Variants in TBC1D31 observed in about 807,000 individuals in gnomAD.
The protein encoded by TBC1D31 is WD repeat domain 67.
In TBC1D31, 99 loss-of-function variants were observed where a neutral mutation model predicts 132.9. That is an observed-to-expected ratio of 0.74 (90% CI 0.63 to 0.88). TBC1D31 has a LOEUF of 0.88. Ranked by LOEUF, TBC1D31 falls within the 40% of genes least tolerant of loss-of-function variation. The probability of loss-of-function intolerance (pLI) is 0.00; values close to 1 mark genes in which losing one functional copy is unlikely to be tolerated. For synonymous variants in TBC1D31, 385 were observed against 419.4 expected (o/e 0.92, Z 1.00); for missense variants, 1,134 against 1,256.6 (o/e 0.90, Z 1.48).
the TBC1D31 span, among the ~76,000 whole-genome samples, chr8:123,164,654 G>A: frequency 2.1e-3 from 312 of 152,164 alleles, 1 homozygote; most frequent in African/African-American, 7.3e-3. Flanking sequence ...CCCGGGAGGT[G>A]GAGGTTGCAG....
chr8:123,161,854 T>C, the TBC1D31 span, among the ~76,000 whole-genome samples: 2 of 151,566 alleles, frequency 1.3e-5, no homozygotes, highest in Admixed American at 6.6e-5. Context: ...CCGTCTCTAC[T>C]AAAAATACAA....
intron 15 of TBC1D31, among the ~76,000 whole-genome samples, chr8:123,129,631 A>G (rs1820419533): frequency 6.6e-6 from 1 of 152,140 alleles, no homozygotes; most frequent in Non-Finnish European, 1.5e-5. Context: ...GTCATTACCC[A>G]TTTAACACTT....
At chr8:123,105,750 A>T (rs1054070113) in intron 8 of TBC1D31, among the ~76,000 whole-genome samples, 1 of 152,170 alleles carries the variant, frequency 6.6e-6, no homozygotes, top group Non-Finnish European at 1.5e-5. Flanking sequence ...TAGAGAAGTG[A>T]CATTATTTTC....
rs1274378935 is a variant in TBC1D31 at position 123,077,215 on chromosome 8, A to T, written c.182A>T (p.Asp61Val). Residue 61 changes from aspartate to valine, a missense_variant, in exon 2 of 22, where the codon GAC becomes GTC. Coordinates refer to ENST00000287380, the MANE Select transcript of TBC1D31 (RefSeq NM_145647.4). ...ACAGGCGACTGCTTAATTGCTGGGG[A>T]CCACCAAGGAAATATTTATGTTTTT... is the stretch of plus-strand genomic sequence containing the variant. Reference protein sequence around the residue: ...DGTGDCLIAGDHQGNIYVFDL... With the variant: ...DGTGDCLIAGVHQGNIYVFDL... The T allele has an allele frequency of 1.2e-6, 2 of 1,612,500 alleles. No individual in the cohort carries two copies. The highest frequency in any genetic ancestry group is 1.7e-6 in the Non-Finnish European group (2 of 1,179,570).
chr8:123,150,954 T>C (rs1419847729), intron 21 of TBC1D31, among the ~76,000 whole-genome samples: 1 of 152,212 alleles, frequency 6.6e-6, no homozygotes, highest in Non-Finnish European at 1.5e-5. Flanking sequence ...AAGACGAGCT[T>C]TATAAGAAAT....
At chr8:123,091,602 A>C (rs535559366) in intron 4 of TBC1D31, among the ~76,000 whole-genome samples, 1 of 152,280 alleles carries the variant, frequency 6.6e-6, no homozygotes, top group African/African-American at 2.4e-5. Context: ...TATCTGATGT[A>C]GTTGAGTTCG....
chr8:123,117,236 A>T (rs1819006721), intron 10 of TBC1D31, among the ~76,000 whole-genome samples: 2 of 151,352 alleles, frequency 1.3e-5, no homozygotes. Flanking sequence ...AATCGCTTGA[A>T]CCTGGGAGGT....
intron 14 of TBC1D31, 143 bp downstream of exon 14, chr8:123,128,656 C>A: frequency 3.1e-6 from 2 of 636,034 alleles, no homozygotes; most frequent in Non-Finnish European, 5.4e-6. Flanking sequence ...GCAGGTAGAT[C>A]ACAAGGTCAG....
At chr8:123,149,560 G>T (rs1281491598) in intron 20 of TBC1D31, among the ~76,000 whole-genome samples, 2 of 149,480 alleles carry the variant, frequency 1.3e-5, no homozygotes, top group African/African-American at 4.8e-5. Context: ...TTGAGATGAG[G>T]AGAGTAATTG....
intron 10 of TBC1D31, among the ~76,000 whole-genome samples, chr8:123,115,876 A>G (rs953689790): frequency 2.6e-5 from 4 of 152,224 alleles, no homozygotes; most frequent in African/African-American, 9.6e-5. Flanking sequence ...CAAGGTGCTT[A>G]ACTTAATCAT....
chr8:123,088,233 G>A (rs1054090508), intron 4 of TBC1D31, among the ~76,000 whole-genome samples: 1 of 151,756 alleles, frequency 6.6e-6, no homozygotes, highest in Non-Finnish European at 1.5e-5. Context: ...TATAGTTTAA[G>A]TTATCAGCAA....
intron 7 of TBC1D31, among the ~76,000 whole-genome samples, chr8:123,101,261 G>A (rs767728062): frequency 2.6e-5 from 4 of 152,074 alleles, no homozygotes; most frequent in South Asian, 2.1e-4. Flanking sequence ...TCATTATCTC[G>A]TTCCCAAAAG....
chr8:123,084,451 T>C (rs1815506671), intron 4 of TBC1D31, 111 bp downstream of exon 4: 1 of 1,072,510 alleles, frequency 9.3e-7, no homozygotes, highest in Admixed American at 2.4e-5. Context: ...TGTAGCTCTG[T>C]AACTCAGCAA....
Position 123,093,583 on chromosome 8 carries a change from C to T in TBC1D31, c.520-8C>T, listed in dbSNP as rs760532594. The T allele has an allele frequency of 1.0e-5, 16 of 1,589,782 alleles. No homozygotes were observed. Among genetic ancestry groups the T allele is most frequent in the African/African-American group, 5.4e-5 (4 of 74,376 alleles). Reference sequence around the variant, plus strand: ...ATGTGAAAACTAACTTTCTCTATTCCTCCTTAGGTTTTCTTTCTACCATTA... The same window carrying T: ...ATGTGAAAACTAACTTTCTCTATTCTTCCTTAGGTTTTCTTTCTACCATTA... On this transcript the variant is annotated splice_polypyrimidine_tract_variant and splice_region_variant and intron_variant, in intron 4 of 21. Transcript: ENST00000287380.
At chr8:123,164,487 T>C in the TBC1D31 span, among the ~76,000 whole-genome samples, 17 of 152,110 alleles carry the variant, frequency 1.1e-4, no homozygotes, top group Non-Finnish European at 2.4e-4. Flanking sequence ...TTCAGGAGGC[T>C]GAGGTTGGCA....
intron 8 of TBC1D31, among the ~76,000 whole-genome samples, chr8:123,106,668 A>G (rs1205044743): frequency 6.6e-6 from 1 of 152,168 alleles, no homozygotes; most frequent in Admixed American, 6.5e-5. Context: ...TTAATTGTAA[A>G]ATTTGCAACA....
chr8:123,092,855 A>G (rs1240609759), intron 4 of TBC1D31, among the ~76,000 whole-genome samples: 3 of 132,968 alleles, frequency 2.3e-5, no homozygotes, highest in Non-Finnish European at 4.7e-5. Flanking sequence ...TCCCTCACCC[A>G]GGCTAAAGTG....
chr8:123,156,440 C>CAA (rs34267268), downstream of TBC1D31, among the ~76,000 whole-genome samples: 25 of 100,984 alleles, frequency 2.5e-4, no homozygotes, highest in Admixed American at 1.8e-3. Flanking sequence ...GACCCTGTCT[C>CAA]AAAAAAAAAA....
downstream of TBC1D31, among the ~76,000 whole-genome samples, chr8:123,155,465 G>C (rs964254528): frequency 3.3e-5 from 5 of 152,200 alleles, no homozygotes; most frequent in Non-Finnish European, 7.3e-5. The surrounding 1 kb of genome is among the most constrained non-coding windows in gnomAD (Gnocchi z 4.1). Flanking sequence ...TAGTAGTAAA[G>C]GATTTGGGGC....
Sources: gnomAD v4.1 joint callset for allele counts (sites outside exome capture counted in the v4.1 genomes callset) on GRCh38, gnomAD v4.1.1 for gene constraint, Gnocchi (gnomAD v3.1) non-coding constraint, MANE v1.5 for transcripts, NCBI Gene and HGNC (gene_info 2026-07-23, HGNC 2026-07-21) for gene names.